Variants in MIPOL1 observed in about 807,000 individuals in gnomAD.
The protein encoded by MIPOL1 is mirror-image polydactyly gene 1 protein.
In MIPOL1, 57 loss-of-function variants were observed where a neutral mutation model predicts 60.9. That is an observed-to-expected ratio of 0.94 (90% CI 0.76 to 1.17). The LOEUF (loss-of-function observed/expected upper bound fraction) is 1.17, where lower values mean the gene tolerates loss of function less well. Ranked by LOEUF, MIPOL1 falls within the 50% of genes most tolerant of loss-of-function variation. The pLI is 0.00. For synonymous variants in MIPOL1, 179 were observed against 168.8 expected (o/e 1.06, Z -0.47); for missense variants, 551 against 511.6 (o/e 1.08, Z -0.74).
At chr14:37,231,270 T>C (rs187950278) in intron 1 of MIPOL1, among the ~76,000 whole-genome samples, 3 of 152,174 alleles carry the variant, frequency 2.0e-5, no homozygotes, top group South Asian at 2.1e-4. Flanking sequence ...TTATTTTTCA[T>C]AGAGATGGAT....
chr14:37,470,716 G>A (rs942003162), intron 11 of MIPOL1, among the ~76,000 whole-genome samples: 1 of 152,058 alleles, frequency 6.6e-6, no homozygotes, highest in Admixed American at 6.6e-5. Flanking sequence ...GCAATCAGGA[G>A]AGAGTAGGTA....
intron 12 of MIPOL1, among the ~76,000 whole-genome samples, chr14:37,541,296 C>A (rs906902846): frequency 6.6e-6 from 1 of 152,170 alleles, no homozygotes; most frequent in Middle Eastern, 3.2e-3. Flanking sequence ...GAGTAACAGC[C>A]CTTTGTTGAC....
In MIPOL1 at chr14:37,311,723, G is replaced by A. The variant is rs138458465; in HGVS notation, c.828+3204G>A. Among the ~76,000 whole-genome samples the A allele has an allele frequency of 1.4e-4, 22 of 152,152 alleles. 1 individual carries two copies. The highest frequency in any genetic ancestry group is 5.1e-4 in the African/African-American group (21 of 41,530). On this transcript the variant is annotated intron_variant, in intron 9 of 12. Coordinates refer to ENST00000684589, the MANE Select transcript of MIPOL1 (RefSeq NM_001388067.1). ...ATAGACAGCTCCCATATATTACCCA[G>A]TTTTGGTTTTCTCTAATTTTGTTAT...
chr14:37,226,209 A>C (rs902253416), intron 1 of MIPOL1, among the ~76,000 whole-genome samples: 5 of 152,152 alleles, frequency 3.3e-5, no homozygotes, highest in Admixed American at 2.6e-4. Flanking sequence ...CCCAGTTCCA[A>C]AGTTGATTCC....
At chr14:37,369,874 T>G in intron 10 of MIPOL1, 1 of 216,098 alleles carries the variant, frequency 4.6e-6, no homozygotes, top group Non-Finnish European at 9.1e-6. Context: ...GGTAAATGTT[T>G]ATTCTGTTTC....
At position 37,228,538 on chromosome 14, in the gene MIPOL1, AG is replaced by A. The variant is rs372814385; in HGVS notation, c.-198-18562del. Among the ~76,000 whole-genome samples, 62 of 152,192 alleles carry A rather than the reference AG, an allele frequency of 4.1e-4. No homozygotes were observed. In the East Asian group the frequency reaches 0.012, roughly 28 times the overall value. On this transcript the variant is annotated intron_variant, in intron 1 of 12. Transcript: ENST00000684589. The stretch of plus-strand genomic sequence containing the variant: ...AACAAACAGTTTATTGCTAGGGTCT[AG>A]GGATGATGGTAGTGACATGATGGCA...
intron 10 of MIPOL1, among the ~76,000 whole-genome samples, chr14:37,375,691 C>G (rs1393588064): frequency 6.6e-6 from 1 of 152,088 alleles, no homozygotes; most frequent in Non-Finnish European, 1.5e-5. Flanking sequence ...TTGGGTCCCA[C>G]CCTCTTGACA....
chr14:37,239,019 A>G (rs1202668620), intron 1 of MIPOL1, among the ~76,000 whole-genome samples: 1 of 151,454 alleles, frequency 6.6e-6, no homozygotes, highest in African/African-American at 2.4e-5. Context: ...TCTTTTGGGA[A>G]GTCTTTCAAA....
intron 1 of MIPOL1, among the ~76,000 whole-genome samples, chr14:37,243,867 C>G (rs1749067215): frequency 1.3e-5 from 2 of 152,032 alleles, no homozygotes; most frequent in South Asian, 2.1e-4. Context: ...TCAGACTGGT[C>G]AAAGAACAAA....
At position 37,549,561 on chromosome 14, in the gene MIPOL1, A is replaced by G. The variant is rs1016905558; in HGVS notation, c.*2590A>G. 2.6e-4 allele frequency: 40 copies of G among 151,852 alleles called. No individual in the cohort carries two copies. Among genetic ancestry groups the G allele is most frequent in the African/African-American group, 9.2e-4 (38 of 41,422 alleles). The allele number at this position is 151,852 out of a possible 1,614,324, so 9.4% of individuals were successfully genotyped here. A position where few individuals can be genotyped will look rare whatever the true frequency, so the allele number is the denominator to read the frequency against. On this transcript the variant is annotated 3_prime_UTR_variant, in exon 13 of 13. Coordinates refer to ENST00000684589, the MANE Select transcript of MIPOL1 (RefSeq NM_001388067.1). ...AACTAAGATCTTATAACCACACTCC[A>G]TGCAACTATGAGTCTCTAAATCTCT...
At chr14:37,502,828 C>G (rs1193577304) in intron 12 of MIPOL1, 3 of 152,112 alleles carry the variant, frequency 2.0e-5, no homozygotes, top group African/African-American at 7.2e-5. Flanking sequence ...ATTCTCTGAG[C>G]TAAAGGAGCA....
intron 11 of MIPOL1, among the ~76,000 whole-genome samples, chr14:37,426,335 G>A (rs2093958680): frequency 1.3e-5 from 2 of 151,348 alleles, no homozygotes; most frequent in African/African-American, 2.4e-5. Context: ...GAACATGAGA[G>A]GGTGGGCAGA....
chr14:37,280,971 C>G (rs776198545), intron 6 of MIPOL1, among the ~76,000 whole-genome samples: 3 of 152,142 alleles, frequency 2.0e-5, no homozygotes, highest in Non-Finnish European at 4.4e-5. Flanking sequence ...TGTAGGTTGT[C>G]TCATTATTGT....
chr14:37,312,236 T>C (rs1471101400), intron 9 of MIPOL1, among the ~76,000 whole-genome samples: 2 of 152,100 alleles, frequency 1.3e-5, no homozygotes, highest in Non-Finnish European at 2.9e-5. Context: ...ACCTCACAAG[T>C]AGCTGGTATT....
At chr14:37,367,888 C>A (rs2092526260) in intron 9 of MIPOL1, among the ~76,000 whole-genome samples, 1 of 152,032 alleles carries the variant, frequency 6.6e-6, no homozygotes, top group Non-Finnish European at 1.5e-5. Flanking sequence ...CTTAGTAACA[C>A]ACACTGTGAT....
chr14:37,509,019 C>T (rs920351205), intron 12 of MIPOL1, among the ~76,000 whole-genome samples: 4 of 152,006 alleles, frequency 2.6e-5, no homozygotes, highest in African/African-American at 7.2e-5. Context: ...CCATTTCTTT[C>T]GGGGATTACA....
In MIPOL1 at chr14:37,549,087, G is replaced by A. The variant is rs1322018458; in HGVS notation, c.*2116G>A. 1.3e-5 allele frequency: 2 copies of A among 151,716 alleles called. No individual in the cohort carries two copies. The highest frequency in any genetic ancestry group is 3.0e-5 in the Non-Finnish European group (2 of 67,784). The allele number at this position is 151,716 out of a possible 1,614,324, so 9.4% of individuals were successfully genotyped here. A position where few individuals can be genotyped will look rare whatever the true frequency, so the allele number is the denominator to read the frequency against. On this transcript the variant is annotated 3_prime_UTR_variant, in exon 13 of 13. Coordinates refer to ENST00000684589, the MANE Select transcript of MIPOL1 (RefSeq NM_001388067.1). ...AGTGTCCATCAACAGTGTGTCAGAT[G>A]GTCTTTATATATTTTTTCTGTATGA...
intron 11 of MIPOL1, among the ~76,000 whole-genome samples, chr14:37,440,417 C>A (rs1429570946): frequency 6.6e-6 from 1 of 151,886 alleles, no homozygotes; most frequent in Non-Finnish European, 1.5e-5. Context: ...TCATTATCTA[C>A]CCCCTTTGTA....
chr14:37,408,643 A>G (rs993015634), intron 10 of MIPOL1, among the ~76,000 whole-genome samples: 1 of 152,194 alleles, frequency 6.6e-6, no homozygotes, highest in Non-Finnish European at 1.5e-5. Context: ...CAAAACAAAA[A>G]AAGTCAGGAA....
Sources: gnomAD v4.1 joint callset for allele counts (sites outside exome capture counted in the v4.1 genomes callset) on GRCh38, gnomAD v4.1.1 for gene constraint, MANE v1.5 for transcripts, NCBI Gene and HGNC (gene_info 2026-07-23, HGNC 2026-07-21) for gene names.